PIEZO2: variants seen among roughly 807,000 people sequenced by gnomAD.
The protein encoded by PIEZO2 is piezo type mechanosensitive ion channel component 2.
A neutral mutation model predicts 337.3 loss-of-function variants in PIEZO2; 172 were observed. That is an observed-to-expected ratio of 0.51 (90% CI 0.45 to 0.58). The LOEUF is 0.58. Ranked by LOEUF, PIEZO2 falls within the 20% of genes least tolerant of loss-of-function variation. The probability of loss-of-function intolerance (pLI) is 0.00; values close to 1 mark genes in which losing one functional copy is unlikely to be tolerated. For missense variants in PIEZO2, 3,028 were observed against 3,391.3 expected (o/e 0.89, Z 2.66); for synonymous variants, 1,251 against 1,228.5 (o/e 1.02, Z -0.38).
rs11390110 is a variant in PIEZO2, at chr18:11,055,210, C to CAAAAA, written c.160+10912_160+10916dup. On this transcript the variant is annotated intron_variant, in intron 2 of 55. Coordinates refer to ENST00000674853, the MANE Select transcript of PIEZO2 (RefSeq NM_001378183.1). ...TGGGCGAAAGAGTGAGACTCTGTCT[C>CAAAAA]AAAAAAAAAAAAAAAAAAAAAAGAA... Among the ~76,000 whole-genome samples the CAAAAA allele has an allele frequency of 9.5e-3, 755 of 79,784 alleles. 18 individuals carry two copies. Among genetic ancestry groups the CAAAAA allele is most frequent in the African/African-American group, 0.037 (713 of 19,418 alleles). The allele number at this position is 79,784 out of a possible 152,430, so 52.3% of individuals were successfully genotyped here.
At chr18:11,118,103 C>T (rs1038130330) in intron 1 of PIEZO2, among the ~76,000 whole-genome samples, 1 of 152,206 alleles carries the variant, frequency 6.6e-6, no homozygotes, top group African/African-American at 2.4e-5. Context: ...CATTTACTTC[C>T]ACCTCTGTTA....
chr18:10,771,903 C>T (rs549550696), intron 20 of PIEZO2, among the ~76,000 whole-genome samples: 35 of 152,270 alleles, frequency 2.3e-4, no homozygotes, highest in African/African-American at 6.3e-4. Context: ...TCAGAGTGAC[C>T]GCTGCAGTAT....
intron 4 of PIEZO2, among the ~76,000 whole-genome samples, chr18:10,891,985 C>T (rs377275631): frequency 2.6e-4 from 39 of 152,172 alleles, no homozygotes; most frequent in African/African-American, 9.2e-4. Flanking sequence ...GAAATGGGTC[C>T]GGTAAACATT....
chr18:11,030,118 G>A (rs1286052332), intron 2 of PIEZO2, among the ~76,000 whole-genome samples: 3 of 152,056 alleles, frequency 2.0e-5, no homozygotes, highest in Non-Finnish European at 4.4e-5. Context: ...TAAAAGACAA[G>A]CTACCATCCT....
chr18:10,732,385 G>A (rs538628056), intron 35 of PIEZO2, among the ~76,000 whole-genome samples: 4 of 152,268 alleles, frequency 2.6e-5, no homozygotes, highest in African/African-American at 9.6e-5. Context: ...TTTTCTGGGA[G>A]CTCTTTAAAC....
intron 3 of PIEZO2, among the ~76,000 whole-genome samples, chr18:10,937,316 G>A (rs1033866651): frequency 6.6e-6 from 1 of 152,082 alleles, no homozygotes; most frequent in African/African-American, 2.4e-5. Flanking sequence ...TTTGAGGTTG[G>A]CCTCTTAACT....
At chr18:10,931,497 C>T (rs1418394266) in intron 3 of PIEZO2, among the ~76,000 whole-genome samples, 1 of 152,262 alleles carries the variant, frequency 6.6e-6, no homozygotes, top group East Asian at 1.9e-4. Flanking sequence ...CCATGCCTGG[C>T]CTATCTACTT....
Position 10,819,178 on chromosome 18 carries a change from G to T in PIEZO2, c.918-11904C>A, listed in dbSNP as rs114666862. ...GAAATTAACAATAAAAAGGTATAATGATTTCTACTGGAATAATTACATGGG... is the reference window on the plus strand; with the variant it reads ...GAAATTAACAATAAAAAGGTATAATTATTTCTACTGGAATAATTACATGGG... On this transcript the variant is annotated intron_variant, in intron 7 of 55. Coordinates refer to ENST00000674853, the MANE Select transcript of PIEZO2 (RefSeq NM_001378183.1). The surrounding 1 kb of genome is among the most constrained non-coding windows in gnomAD (Gnocchi z 4.3). 3.3e-3 allele frequency among the ~76,000 whole-genome samples: 498 copies of T among 152,284 alleles called. 5 individuals are homozygous for T. Among genetic ancestry groups the T allele is most frequent in the African/African-American group, 0.011 (471 of 41,576 alleles).
chr18:11,069,877 C>A lies in PIEZO2; in HGVS notation c.65-3655G>T, dbSNP rs879854865. On this transcript the variant is annotated intron_variant, in intron 1 of 55. Transcript: ENST00000674853. This position sits in a 1 kb window ranked among gnomAD's most constrained non-coding sequence, Gnocchi z 4.9. The stretch of plus-strand genomic sequence containing the variant: ...ATCAGTGGTATTTGCTATATGCTAA[C>A]AATGAACTATCTGAAAAAGAAATTT... Among the ~76,000 whole-genome samples the A allele has an allele frequency of 6.6e-6, 1 of 152,102 alleles. No individual in the cohort carries two copies. The highest frequency in any genetic ancestry group is 1.5e-5 in the Non-Finnish European group (1 of 68,020).
rs1173788303 is a variant in PIEZO2, at chr18:10,727,963, A to C, written c.5029+3444T>G. 6.6e-6 allele frequency: 1 copy of C among 152,004 alleles called. No homozygotes were observed. Among genetic ancestry groups the C allele is most frequent in the Non-Finnish European group, 1.5e-5 (1 of 68,036 alleles). 9.4% of individuals were successfully genotyped at this position (152,004 alleles called of 1,614,324 possible). ...AATTAAAACAGTAATAACAAAAAAAAAAAAGAAAAAAGAAAAAAAGGGATA... is the reference window on the plus strand; with the variant it reads ...AATTAAAACAGTAATAACAAAAAAACAAAAGAAAAAAGAAAAAAAGGGATA... On this transcript the variant is annotated intron_variant, in intron 36 of 55. Transcript: ENST00000674853. The surrounding 1 kb of genome is among the most constrained non-coding windows in gnomAD (Gnocchi z 6.3).
rs12457851 is a variant in PIEZO2, at chr18:11,079,614, A to G, written c.65-13392T>C. Among the ~76,000 whole-genome samples, 269 of 152,272 alleles carry G rather than the reference A, an allele frequency of 1.8e-3. 2 individuals are homozygous for G. The highest frequency in any genetic ancestry group is 3.4e-3 in the Middle Eastern group (1 of 294). ...ACTCCAGTCTCTACTCCATTTCTGCACACAGTAAGCATTCAGTAAATATTT... is the reference window on the plus strand; with the variant it reads ...ACTCCAGTCTCTACTCCATTTCTGCGCACAGTAAGCATTCAGTAAATATTT... On this transcript the variant is annotated intron_variant, in intron 1 of 55. Transcript: ENST00000674853.
chr18:10,741,627 G>C (rs1255794754), intron 32 of PIEZO2, among the ~76,000 whole-genome samples: 1 of 152,078 alleles, frequency 6.6e-6, no homozygotes, highest in Admixed American at 6.6e-5. Context: ...AAGCATGCAA[G>C]CCTCTATAAA....
At chr18:11,064,164 C>T (rs1273751806) in intron 2 of PIEZO2, among the ~76,000 whole-genome samples, 1 of 152,142 alleles carries the variant, frequency 6.6e-6, no homozygotes, top group African/African-American at 2.4e-5. Flanking sequence ...TGCCTCAAAA[C>T]ACAGATTTTA....
In PIEZO2 at chr18:10,784,891, G is replaced by A; in HGVS notation, c.2385C>T (p.Thr795=). The A allele has an allele frequency of 6.5e-7, 1 of 1,537,584 alleles. No homozygotes were observed. The highest frequency in any genetic ancestry group is 8.7e-7 in the Non-Finnish European group (1 of 1,146,958). ...AELFTRIFIP[T]SFLLVCILHL... is the part of the protein sequence containing the mutation. ...GTAAAATGCACACCAGCAGAAAGGA[G>A]GTTGGGATGAATATGCGAGTGAATA... The change falls in exon 17 of 56, where the codon ACC becomes ACT. Residue 795 remains threonine (T), a synonymous_variant. Transcript: ENST00000674853. The surrounding 1 kb of genome is among the most constrained non-coding windows in gnomAD (Gnocchi z 4.5).
Position 11,004,523 on chromosome 18 carries a change from C to T in PIEZO2, c.161-24863G>A, listed in dbSNP as rs968880227. Among the ~76,000 whole-genome samples the T allele has an allele frequency of 9.8e-5, 15 of 152,324 alleles. No individual in the cohort carries two copies. The East Asian group carries it at 2.9e-3, about 29-fold the overall frequency. ...TGAAAAGTATGGTTTAATGTTCACA[C>T]AGTTGCTCTCCACCCAGTTGCCTTA... On this transcript the variant is annotated intron_variant, in intron 2 of 55. Transcript: ENST00000674853.
In PIEZO2 at chr18:11,028,267, T is replaced by A. The variant is rs538394894; in HGVS notation, c.160+37860A>T. On this transcript the variant is annotated intron_variant, in intron 2 of 55. Transcript: ENST00000674853. This position sits in a 1 kb window ranked among gnomAD's most constrained non-coding sequence, Gnocchi z 4.8. ...TTCTTCTTCTTTATTTTTTATTATT[T>A]TTTTTTATTTTTTGAGACAGAGTCA... is the stretch of plus-strand genomic sequence containing the variant. Among the ~76,000 whole-genome samples the A allele has an allele frequency of 1.3e-5, 2 of 151,146 alleles. No homozygotes were observed. The highest frequency in any genetic ancestry group is 2.9e-5 in the Non-Finnish European group (2 of 68,028).
intron 5 of PIEZO2, among the ~76,000 whole-genome samples, chr18:10,869,343 AATGCAT>A (rs2042084254): frequency 6.6e-6 from 1 of 152,178 alleles, no homozygotes; most frequent in South Asian, 2.1e-4. Context: ...TGAGGATAAT[AATGCAT>A]GCGGGGCTTG....
In PIEZO2 at chr18:10,724,888, C is replaced by T. The variant is rs996276533; in HGVS notation, c.5029+6519G>A. 13 of 1,609,048 alleles carry T rather than the reference C, an allele frequency of 8.1e-6. No homozygotes were observed. The highest frequency in any genetic ancestry group is 1.7e-5 in the Admixed American group (1 of 59,760). ...CACCTACTCTGTAAATAGTACTGGCCGGCGGGGGCGTGGCACCCTGGGACA... is the reference window on the plus strand; with the variant it reads ...CACCTACTCTGTAAATAGTACTGGCTGGCGGGGGCGTGGCACCCTGGGACA... On this transcript the variant is annotated intron_variant, in intron 36 of 55. Coordinates refer to ENST00000674853, the MANE Select transcript of PIEZO2 (RefSeq NM_001378183.1). This position sits in a 1 kb window ranked among gnomAD's most constrained non-coding sequence, Gnocchi z 5.8.
In PIEZO2 at chr18:10,671,459, T is replaced by TATGAGAATATTGTGC; in HGVS notation, c.*53_*67dup. 1 of 1,489,404 alleles carries TATGAGAATATTGTGC rather than the reference T, an allele frequency of 6.7e-7. No individual in the cohort carries two copies. Among genetic ancestry groups the TATGAGAATATTGTGC allele is most frequent in the Non-Finnish European group, 9.1e-7 (1 of 1,101,434 alleles). 92.3% of individuals were successfully genotyped at this position (1,489,404 alleles called of 1,614,324 possible). On this transcript the variant is annotated 3_prime_UTR_variant, in exon 56 of 56. Coordinates refer to ENST00000674853, the MANE Select transcript of PIEZO2 (RefSeq NM_001378183.1). ...CGTCGAACTAGAAATGCTTAGCTCTTATGAGAATATTGTGCTTTTAAAAAA... is the reference window on the plus strand; with the variant it reads ...CGTCGAACTAGAAATGCTTAGCTCTTATGAGAATATTGTGCATGAGAATATTGTGCTTTTAAAAAA...
Sources: allele counts gnomAD v4.1 joint callset (sites outside exome capture counted in the v4.1 genomes callset), GRCh38; gene constraint gnomAD v4.1.1; non-coding constraint Gnocchi (gnomAD v3.1); transcripts MANE v1.5; gene names NCBI Gene and HGNC (gene_info 2026-07-23, HGNC 2026-07-21).